ABCC1: variants seen among roughly 807,000 people sequenced by gnomAD.
The protein encoded by ABCC1 is multidrug resistance-associated protein 1.
A neutral mutation model predicts 172.9 loss-of-function variants in ABCC1; 83 were observed. That is an observed-to-expected ratio of 0.48 (90% CI 0.40 to 0.58). The LOEUF (loss-of-function observed/expected upper bound fraction) is 0.58, where lower values mean the gene tolerates loss of function less well. Among genes scored for constraint, ABCC1 ranks in the 20% least tolerant of loss-of-function variants. The pLI, the probability that ABCC1 is intolerant of heterozygous loss-of-function variation, is 0.00. For missense variants in ABCC1, 1,817 were observed against 2,002.7 expected (o/e 0.91, Z 1.77); for synonymous variants, 937 against 825.2 (o/e 1.14, Z -2.32).
Position 16,071,644 on chromosome 16 carries a change from G to A in ABCC1, c.1827G>A (p.Ala609=), listed in dbSNP as rs758909835. The A allele has an allele frequency of 3.7e-6, 6 of 1,613,684 alleles. No individual in the cohort carries two copies. In the Admixed American group the frequency reaches 8.3e-5, roughly 22 times the overall value. Reference sequence around the variant, plus strand: ...CCCTGCCATTGCTCTCTGTACAGGCGAGTGTCTCCCTCAAACGCCTGAGGA... The same window carrying A: ...CCCTGCCATTGCTCTCTGTACAGGCAAGTGTCTCCCTCAAACGCCTGAGGA... ...LPMVISSIVQ[A]SVSLKRLRIF... Residue 609 remains alanine, a splice_region_variant and synonymous_variant, in exon 14 of 31, where the codon GCG becomes GCA. Coordinates refer to ENST00000399410, the MANE Select transcript of ABCC1 (RefSeq NM_004996.4).
intron 19 of ABCC1, among the ~76,000 whole-genome samples, chr16:16,091,211 T>G (rs1008781555): frequency 1.6e-4 from 25 of 151,868 alleles, no homozygotes; most frequent in Non-Finnish European, 5.9e-5. Context: ...GGAGGATCGC[T>G]CCAGCTCAGG....
chr16:16,104,082 C>G (rs550289435), intron 20 of ABCC1, among the ~76,000 whole-genome samples: 1 of 152,096 alleles, frequency 6.6e-6, no homozygotes, highest in Non-Finnish European at 1.5e-5. Flanking sequence ...TGTGCTCTGG[C>G]TGGCTTCAGG....
intron 14 of ABCC1, among the ~76,000 whole-genome samples, chr16:16,075,277 A>C (rs545423175): frequency 6.6e-6 from 1 of 152,052 alleles, no homozygotes; most frequent in South Asian, 2.1e-4. Flanking sequence ...CATGAAGTAA[A>C]AGGAAAATAA....
chr16:16,025,139 A>G (rs1294346746), intron 5 of ABCC1, among the ~76,000 whole-genome samples: 1 of 152,174 alleles, frequency 6.6e-6, no homozygotes, highest in Non-Finnish European at 1.5e-5. Context: ...AGGGCAAACA[A>G]ATCACCAGTG....
chr16:16,026,205 G>T (rs2151804785), intron 5 of ABCC1, among the ~76,000 whole-genome samples: 1 of 152,114 alleles, frequency 6.6e-6, no homozygotes, highest in East Asian at 1.9e-4. Flanking sequence ...GCCGAGGTGG[G>T]TGGATCGCTT....
intron 12 of ABCC1, among the ~76,000 whole-genome samples, chr16:16,065,275 G>A (rs960682295): frequency 6.6e-6 from 1 of 152,114 alleles, no homozygotes; most frequent in Non-Finnish European, 1.5e-5. Context: ...AAAATTACTT[G>A]TTTAGAGATG....
At chr16:16,043,188 A>G (rs1202872317) in intron 7 of ABCC1, among the ~76,000 whole-genome samples, 3 of 140,162 alleles carry the variant, frequency 2.1e-5, no homozygotes, top group African/African-American at 8.3e-5. Flanking sequence ...TTTTAGAAAT[A>G]GGGTCTTGCT....
At chr16:16,045,763 C>T (rs1437547904) in intron 8 of ABCC1, 73 bp from the exon 9 acceptor site, 2 of 1,460,384 alleles carry the variant, frequency 1.4e-6, no homozygotes, top group Non-Finnish European at 1.9e-6. Context: ...AGTTGCAGTG[C>T]CAACACTGAA....
At chr16:15,983,093 G>T (rs1341343319) in intron 1 of ABCC1, among the ~76,000 whole-genome samples, 1 of 152,078 alleles carries the variant, frequency 6.6e-6, no homozygotes, top group East Asian at 1.9e-4. Flanking sequence ...ACAGTACAAA[G>T]TACCATGAAG....
chr16:15,974,500 CT>C (rs1260414900), intron 1 of ABCC1, among the ~76,000 whole-genome samples: 1 of 152,154 alleles, frequency 6.6e-6, no homozygotes, highest in Non-Finnish European at 1.5e-5. Context: ...AATTTTTTAA[CT>C]TTTCCTTCTT....
intron 21 of ABCC1, among the ~76,000 whole-genome samples, chr16:16,108,444 T>C (rs915417899): frequency 3.3e-5 from 3 of 90,112 alleles, no homozygotes; most frequent in Non-Finnish European, 7.4e-5. Context: ...CTAATTTTTG[T>C]ATTTTCGGTA....
At chr16:16,124,939 G>T (rs1167885851) in intron 25 of ABCC1, 24 bp downstream of exon 25, 2 of 1,614,046 alleles carry the variant, frequency 1.2e-6, no homozygotes, top group Non-Finnish European at 8.5e-7. Context: ...CTCTTGGCTG[G>T]ATTATTAAAG....
intron 15 of ABCC1, among the ~76,000 whole-genome samples, chr16:16,078,673 T>G (rs2151979930): frequency 6.6e-6 from 1 of 151,934 alleles, no homozygotes; most frequent in African/African-American, 2.4e-5. Flanking sequence ...TTTGTCAGAG[T>G]TTTTTGGTTT....
At chr16:15,980,735 C>T (rs933978031) in intron 1 of ABCC1, among the ~76,000 whole-genome samples, 4 of 152,076 alleles carry the variant, frequency 2.6e-5, no homozygotes, top group African/African-American at 9.7e-5. Context: ...TCGTTCTGCC[C>T]CTCCCAAATC....
rs374395529 is a variant in ABCC1, at chr16:15,999,809, C to CTCTCTCTCTCTCT, written c.49-8007_49-8006insTCTCTCTCTCTCT. On this transcript the variant is annotated intron_variant, in intron 1 of 30. Coordinates refer to ENST00000399410, the MANE Select transcript of ABCC1 (RefSeq NM_004996.4). ...TCTCTCTCTCTCTCTCTCTCTCTCT[C>CTCTCTCTCTCTCT]CTCTCTCTCTCTCTCTCTCTCTCTG... 7.2e-4 allele frequency among the ~76,000 whole-genome samples: 6 copies of CTCTCTCTCTCTCT among 8,376 alleles called. 1 individual carries two copies. The highest frequency in any genetic ancestry group is 2.6e-3 in the East Asian group (1 of 380). The allele number at this position is 8,376 out of a possible 152,430, so 5.5% of individuals were successfully genotyped here. A position where few individuals can be genotyped will look rare whatever the true frequency, so the allele number is the denominator to read the frequency against.
At chr16:16,070,480 C>T (rs1209485996) in intron 13 of ABCC1, among the ~76,000 whole-genome samples, 1 of 152,110 alleles carries the variant, frequency 6.6e-6, no homozygotes, top group Non-Finnish European at 1.5e-5. Flanking sequence ...CTGGCTAACA[C>T]GGTGAAACCC....
chr16:16,056,101 A>G lies in ABCC1; in HGVS notation c.1483A>G (p.Met495Val), dbSNP rs777074835. 10 of 1,614,018 alleles carry G rather than the reference A, an allele frequency of 6.2e-6. No homozygotes were observed. Among genetic ancestry groups the G allele is most frequent in the African/African-American group, 1.3e-5 (1 of 74,928 alleles). The change falls in exon 12 of 31, where the codon ATG (methionine) becomes GTG (valine). Residue 495 changes from methionine to valine, a missense_variant. Physicochemically the swap from Met to Val is conservative, Grantham distance 21. This residue lies in a region of ABCC1 where 1,412 missense variants were observed against 1,600.3 expected (regional missense o/e 0.88). Coordinates refer to ENST00000399410, the MANE Select transcript of ABCC1 (RefSeq NM_004996.4). The stretch of plus-strand genomic sequence containing the variant: ...GCCCGTCTCTTCCAAGGTGGCCCAC[A>G]TGAAGAGCAAAGACAATCGGATCAA... ...MKTKTYQVAH[M>V]KSKDNRIKLM... is the part of the protein sequence containing the mutation.
chr16:16,097,883 G>A (rs771708654), intron 19 of ABCC1: 7 of 152,282 alleles, frequency 4.6e-5, no homozygotes, highest in Non-Finnish European at 8.8e-5. Flanking sequence ...GCCACCTGCT[G>A]TGCCAGGTGC....
At chr16:16,133,619 G>A (rs1168772968) in intron 27 of ABCC1, among the ~76,000 whole-genome samples, 3 of 152,120 alleles carry the variant, frequency 2.0e-5, no homozygotes, top group African/African-American at 7.2e-5. Flanking sequence ...GGCCAGGCTG[G>A]TCTCGAACTC....
Sources: gnomAD v4.1 joint callset for allele counts (sites outside exome capture counted in the v4.1 genomes callset) on GRCh38, gnomAD v4.1.1 for gene constraint, gnomAD v4.1.1 regional missense constraint, MANE v1.5 for transcripts, NCBI Gene and HGNC (gene_info 2026-07-23, HGNC 2026-07-21) for gene names.